NRG1: variants seen among roughly 807,000 people sequenced by gnomAD.
The protein encoded by NRG1 is neuregulin 1, also known as pro-neuregulin-1, membrane-bound isoform.
NRG1 carries 18 observed loss-of-function variants against 63.8 expected under a neutral mutation model. That is an observed-to-expected ratio of 0.28 (90% CI 0.19 to 0.42). NRG1 has a LOEUF of 0.42. Among genes scored for constraint, NRG1 ranks in the 10% least tolerant of loss-of-function variants. The probability of loss-of-function intolerance (pLI) is 1.00; values close to 1 mark genes in which losing one functional copy is unlikely to be tolerated. For synonymous variants in NRG1, 302 were observed against 301.3 expected (o/e 1.00, Z -0.02); for missense variants, 762 against 814.7 (o/e 0.94, Z 0.79).
At chr8:31,756,768 A>G (rs889879619) in intron 1 of NRG1, among the ~76,000 whole-genome samples, 1 of 152,150 alleles carries the variant, frequency 6.6e-6, no homozygotes, top group African/African-American at 2.4e-5. Flanking sequence ...TGGTGCCCAT[A>G]TATAGTTAAG....
intron 1 of NRG1, among the ~76,000 whole-genome samples, chr8:32,248,467 C>CA (rs1848794928): frequency 6.6e-6 from 1 of 151,798 alleles, no homozygotes; most frequent in Non-Finnish European, 1.5e-5. Flanking sequence ...AAACAAAAGG[C>CA]AAAAAAGTAT....
chr8:32,573,498 C>T (rs1839027212), intron 1 of NRG1, among the ~76,000 whole-genome samples: 2 of 152,128 alleles, frequency 1.3e-5, no homozygotes, highest in Admixed American at 6.5e-5. Flanking sequence ...AAATATATAT[C>T]CTTACCATTT....
At chr8:32,548,929 C>G (rs36213544) in intron 1 of NRG1, 103 bp downstream of exon 1, 323,674 of 1,374,264 alleles carry the variant, frequency 0.24, 41,233 homozygotes, top group Admixed American at 0.37. Flanking sequence ...CTCCCTCGCC[C>G]GTCCTCTTCG....
chr8:31,826,256 T>C (rs1824543850), intron 1 of NRG1, among the ~76,000 whole-genome samples: 1 of 152,130 alleles, frequency 6.6e-6, no homozygotes, highest in Non-Finnish European at 1.5e-5. Context: ...CTTTCTGATA[T>C]GGTTTGGCTG....
intron 1 of NRG1, among the ~76,000 whole-genome samples, chr8:32,326,731 G>A (rs1236444236): frequency 6.6e-6 from 1 of 151,910 alleles, no homozygotes; most frequent in Admixed American, 6.6e-5. Flanking sequence ...TCCTAAAACT[G>A]AATTTTTAAA....
chr8:32,546,433 T>TA (rs1833078737), upstream of NRG1, among the ~76,000 whole-genome samples: 1 of 152,206 alleles, frequency 6.6e-6, no homozygotes, highest in Admixed American at 6.5e-5. Flanking sequence ...ACTAAGCCCT[T>TA]ATGCTGTCTC....
intron 1 of NRG1, among the ~76,000 whole-genome samples, chr8:31,919,842 T>C (rs549176002): frequency 6.6e-6 from 1 of 152,272 alleles, no homozygotes; most frequent in East Asian, 1.9e-4. Flanking sequence ...GTCCGGGTCA[T>C]ATCTTATAAT....
At chr8:31,936,963 T>C (rs1801001726) in intron 1 of NRG1, among the ~76,000 whole-genome samples, 1 of 152,238 alleles carries the variant, frequency 6.6e-6, no homozygotes, top group Admixed American at 6.5e-5. Flanking sequence ...TTAAGATTTG[T>C]GTTTAAATGA....
At chr8:32,728,517 A>C in intron 6 of NRG1, 1 of 985,426 alleles carries the variant, frequency 1.0e-6, no homozygotes, top group Non-Finnish European at 1.2e-6. Flanking sequence ...GAGAAGCAGA[A>C]GGGCAGAAGA....
At chr8:32,537,785 G>C (rs1428263158) in intron 1 of NRG1, among the ~76,000 whole-genome samples, 5 of 152,164 alleles carry the variant, frequency 3.3e-5, no homozygotes. Context: ...AGAGTTCAAA[G>C]CTCGGTCAGA....
At position 32,595,889 on chromosome 8, in the gene NRG1, C is replaced by T. The variant is rs949953365; in HGVS notation, c.162C>T (p.Val54=). Residue 54 remains valine, a synonymous_variant, in exon 2 of 12, where the codon GTC becomes GTT. Transcript: ENST00000356819. ...AATCGGCTGCAGGTTCCAAACTAGT[C>T]CTTCGGTGTGAAACCAGTTCTGAAT... 10 of 1,613,618 alleles carry T rather than the reference C, an allele frequency of 6.2e-6. No homozygotes were observed. In the Admixed American group the frequency reaches 1.7e-4, roughly 27 times the overall value.
chr8:31,785,237 C>T (rs1168387806), intron 1 of NRG1, among the ~76,000 whole-genome samples: 1 of 152,130 alleles, frequency 6.6e-6, no homozygotes, highest in East Asian at 1.9e-4. Flanking sequence ...GAAGTGCACA[C>T]AGGACTCCAG....
chr8:31,786,102 T>C (rs28706717), intron 1 of NRG1, among the ~76,000 whole-genome samples: 5,667 of 152,270 alleles, frequency 0.037, 387 homozygotes, highest in African/African-American at 0.13. Flanking sequence ...GAAATATTCT[T>C]GATGCTTGGA....
In NRG1 at chr8:32,071,288, G is replaced by A. The variant is rs534158453; in HGVS notation, c.37+431857G>A. Among the ~76,000 whole-genome samples, 11 of 152,340 alleles carry A rather than the reference G, an allele frequency of 7.2e-5. No homozygotes were observed. The South Asian group carries it at 2.3e-3, about 32-fold the overall frequency. On this transcript the variant is annotated intron_variant, in intron 1 of 10. Transcript: ENST00000519301. ...CTTTGTAAATAAATGATATTTTTAT[G>A]ATAGATAATTGCAGATTACATGATT...
chr8:32,163,142 C>G (rs375585578), intron 1 of NRG1, among the ~76,000 whole-genome samples: 6 of 152,304 alleles, frequency 3.9e-5, no homozygotes, highest in African/African-American at 1.2e-4. Context: ...AAGAGCGAGA[C>G]AGGAAGGGAA....
intron 1 of NRG1, among the ~76,000 whole-genome samples, chr8:32,455,726 C>T (rs1821513748): frequency 6.6e-6 from 1 of 152,180 alleles, no homozygotes; most frequent in Admixed American, 6.5e-5. Context: ...ACTCAATCAA[C>T]AGGATTGCAA....
At chr8:32,513,415 A>G (rs993376314) in intron 1 of NRG1, among the ~76,000 whole-genome samples, 1 of 104,370 alleles carries the variant, frequency 9.6e-6, no homozygotes, top group Non-Finnish European at 1.7e-5. Context: ...AGCTCTTCCG[A>G]AAAAAAAAAA....
chr8:31,897,199 T>C (rs1831642054), intron 1 of NRG1, among the ~76,000 whole-genome samples: 1 of 152,104 alleles, frequency 6.6e-6, no homozygotes, highest in Admixed American at 6.5e-5. Flanking sequence ...AAAGTTAACC[T>C]GAAAAACTAG....
chr8:31,995,116 T>A (rs2129633189), intron 1 of NRG1, among the ~76,000 whole-genome samples: 1 of 152,092 alleles, frequency 6.6e-6, no homozygotes, highest in Non-Finnish European at 1.5e-5. Context: ...TTACTTTATA[T>A]CCCCATAGAA....
Sources: allele counts gnomAD v4.1 joint callset (sites outside exome capture counted in the v4.1 genomes callset), GRCh38; gene constraint gnomAD v4.1.1; transcripts MANE v1.5; gene names NCBI Gene and HGNC (gene_info 2026-07-23, HGNC 2026-07-21).